The following GPC6 variants were observed in gnomAD, a reference collection of about 807,000 sequenced individuals.
GPC6 encodes the protein glypican 6.
A neutral mutation model predicts 55.2 loss-of-function variants in GPC6; 14 were observed. The ratio of observed to expected loss-of-function variants is 0.25; its 90% CI spans 0.17 to 0.40. The LOEUF (loss-of-function observed/expected upper bound fraction) is 0.40. GPC6 is among the 10% of genes least tolerant of loss of function. The pLI is 1.00. For missense variants in GPC6, 641 were observed against 708.5 expected, an observed-to-expected ratio of 0.90 and a Z score of 1.08; for synonymous variants, 278 against 259.6, an observed-to-expected ratio of 1.07 and a Z score of -0.68.
At chr13:93,589,927 C>G (rs772409428) in intron 2 of GPC6, among the ~76,000 whole-genome samples, 2 of 152,188 alleles carry the variant, frequency 1.3e-5, no homozygotes, top group Non-Finnish European at 2.9e-5. Context: ...ATCATTTATA[C>G]ATAGCATTTG....
chr13:93,484,641 T>C (rs1361379900), intron 1 of GPC6, among the ~76,000 whole-genome samples: 1 of 152,138 alleles, frequency 6.6e-6, no homozygotes, highest in African/African-American at 2.4e-5. Flanking sequence ...TACATTTGAA[T>C]CTTTGCCTTT....
intron 4 of GPC6, among the ~76,000 whole-genome samples, chr13:94,274,986 G>A (rs528745554): frequency 6.6e-6 from 1 of 152,324 alleles, no homozygotes; most frequent in African/African-American, 2.4e-5. Flanking sequence ...TTGTGATGGT[G>A]TTCATGGCAG....
In GPC6 at chr13:93,523,762, T is replaced by C. The variant is rs145347549; in HGVS notation, c.161-21501T>C. Among the ~76,000 whole-genome samples the C allele has an allele frequency of 2.9e-3, 447 of 152,184 alleles. 3 individuals are homozygous for C. Among genetic ancestry groups the C allele is most frequent in the Non-Finnish European group, 5.1e-3 (349 of 67,976 alleles). ...GTTTGGAATTTTTTTCTTTGTTCTTTTTTGCTTTCTATCAGAATTAACTTC... is the reference window on the plus strand; with the variant it reads ...GTTTGGAATTTTTTTCTTTGTTCTTCTTTGCTTTCTATCAGAATTAACTTC... On this transcript the variant is annotated intron_variant, in intron 1 of 8. Transcript: ENST00000377047.
chr13:94,391,176 A>G (rs1283827903), intron 7 of GPC6, among the ~76,000 whole-genome samples: 1 of 152,224 alleles, frequency 6.6e-6, no homozygotes, highest in African/African-American at 2.4e-5. Context: ...CCAACTGGAA[A>G]AGAGCCACAG....
At chr13:93,846,594 C>A (rs954034390) in intron 3 of GPC6, among the ~76,000 whole-genome samples, 1 of 152,152 alleles carries the variant, frequency 6.6e-6, no homozygotes, top group Non-Finnish European at 1.5e-5. Context: ...AGGTGGATCA[C>A]GTGATGTCAG....
At chr13:93,305,240 A>G (rs1000234678) in intron 1 of GPC6, among the ~76,000 whole-genome samples, 25 of 152,054 alleles carry the variant, frequency 1.6e-4, no homozygotes, top group African/African-American at 6.0e-4. Context: ...GAACCCAGGC[A>G]GTCGTTTTTT....
chr13:93,556,412 A>G (rs868010678), intron 2 of GPC6, among the ~76,000 whole-genome samples: 1 of 137,432 alleles, frequency 7.3e-6, no homozygotes, highest in African/African-American at 3.1e-5. Flanking sequence ...GTATATGTAT[A>G]TATATATATA....
chr13:94,030,154 G>A (rs1228322811), intron 4 of GPC6, among the ~76,000 whole-genome samples: 4 of 151,952 alleles, frequency 2.6e-5, no homozygotes, highest in Non-Finnish European at 5.9e-5. Context: ...GACTACAGGC[G>A]CCCGACACCA....
Position 93,574,963 on chromosome 13 carries a change from T to C in GPC6, c.319+29542T>C, listed in dbSNP as rs150353265. ...GTGACAAACCCAGGGAAGTGCTTAA[T>C]GTACTTTTTTGGCCAAAAAGAAAGT... is the stretch of plus-strand genomic sequence containing the variant. On this transcript the variant is annotated intron_variant, in intron 2 of 8. Coordinates refer to ENST00000377047, the MANE Select transcript of GPC6 (RefSeq NM_005708.5). 7.4e-3 allele frequency among the ~76,000 whole-genome samples: 1,130 copies of C among 152,270 alleles called. 6 individuals carry two copies. The highest frequency in any genetic ancestry group is 0.031 in the Middle Eastern group (9 of 294).
At chr13:94,271,435 T>C (rs1160394767) in intron 4 of GPC6, among the ~76,000 whole-genome samples, 1 of 151,182 alleles carries the variant, frequency 6.6e-6, no homozygotes, top group East Asian at 2.0e-4. Context: ...TCTCTGAGAC[T>C]TCTGCAGGTC....
chr13:93,689,820 G>T (rs1251856115), intron 2 of GPC6, among the ~76,000 whole-genome samples: 1 of 152,028 alleles, frequency 6.6e-6, no homozygotes, highest in African/African-American at 2.4e-5. Flanking sequence ...AAGCAGAAAG[G>T]ATATTGATTA....
intron 2 of GPC6, among the ~76,000 whole-genome samples, chr13:93,796,165 C>T (rs937938382): frequency 6.6e-6 from 1 of 151,752 alleles, no homozygotes; most frequent in Non-Finnish European, 1.5e-5. Flanking sequence ...CACTGCACTC[C>T]AGCCTGGGTG....
At chr13:93,321,043 C>G (rs2139122489) in intron 1 of GPC6, among the ~76,000 whole-genome samples, 1 of 152,192 alleles carries the variant, frequency 6.6e-6, no homozygotes, top group East Asian at 1.9e-4. Flanking sequence ...ATTTCCAGGT[C>G]AGCATCTAGT....
In GPC6 at chr13:93,654,495, T is replaced by C. The variant is rs367746062; in HGVS notation, c.319+109074T>C. ...GGTGCTTGCCACCACACCCAGCTAATTTTTGTATTTTTAGTAGAGATGGGG... is the reference window on the plus strand; with the variant it reads ...GGTGCTTGCCACCACACCCAGCTAACTTTTGTATTTTTAGTAGAGATGGGG... On this transcript the variant is annotated intron_variant, in intron 2 of 8. Transcript: ENST00000377047. Among the ~76,000 whole-genome samples the C allele has an allele frequency of 7.9e-5, 12 of 152,146 alleles. No individual in the cohort carries two copies. In the East Asian group the frequency reaches 2.1e-3, roughly 27 times the overall value.
Position 93,646,204 on chromosome 13 carries a change from G to T in GPC6, c.319+100783G>T, listed in dbSNP as rs192491869. On this transcript the variant is annotated intron_variant, in intron 2 of 8. Transcript: ENST00000377047. ...AATATGACCAAATAAAATAACTTGT[G>T]AATTTCCTAAACATAATTAATCACA... 5.0e-3 allele frequency among the ~76,000 whole-genome samples: 758 copies of T among 152,188 alleles called. 8 individuals are homozygous for T. Among genetic ancestry groups the T allele is most frequent in the African/African-American group, 0.018 (730 of 41,544 alleles).
chr13:93,667,237 GT>G (rs967286935), intron 2 of GPC6, among the ~76,000 whole-genome samples: 1 of 151,992 alleles, frequency 6.6e-6, no homozygotes, highest in Non-Finnish European at 1.5e-5. Flanking sequence ...AACAGAAGAG[GT>G]AAAATTTTTT....
intron 2 of GPC6, among the ~76,000 whole-genome samples, chr13:93,723,819 G>A (rs1283847059): frequency 1.3e-5 from 2 of 151,904 alleles, no homozygotes; most frequent in Admixed American, 6.6e-5. Context: ...GAAAGTCAGA[G>A]GTAGCAAGGA....
At chr13:94,311,881 G>A (rs779303202) in intron 6 of GPC6, among the ~76,000 whole-genome samples, 1 of 152,166 alleles carries the variant, frequency 6.6e-6, no homozygotes, top group Admixed American at 6.5e-5. Flanking sequence ...AACATCATGG[G>A]TGGGACAAGT....
At chr13:94,298,906 C>G (rs1174989031) in intron 5 of GPC6, among the ~76,000 whole-genome samples, 1 of 152,192 alleles carries the variant, frequency 6.6e-6, no homozygotes, top group Non-Finnish European at 1.5e-5. Context: ...TCTGTCCTAT[C>G]ATAGACACTT....
Sources: gnomAD v4.1 joint callset for allele counts (sites outside exome capture counted in the v4.1 genomes callset) on GRCh38, gnomAD v4.1.1 for gene constraint, MANE v1.5 for transcripts, NCBI Gene and HGNC (gene_info 2026-07-23, HGNC 2026-07-21) for gene names.